Variants in POLE2 observed in about 807,000 individuals in gnomAD.
POLE2 encodes DNA polymerase epsilon 2, accessory subunit, also known as DNA polymerase epsilon subunit 2.
POLE2 carries 56 observed loss-of-function variants against 79.4 expected under a neutral mutation model. That is an observed-to-expected ratio of 0.71 (90% CI 0.57 to 0.88). POLE2 has a LOEUF of 0.88. Among genes scored for constraint, POLE2 ranks in the 40% least tolerant of loss-of-function variants. The pLI is 0.00. For synonymous variants in POLE2, 212 were observed against 214.0 expected (o/e 0.99, Z 0.08); for missense variants, 598 against 638.9 (o/e 0.94, Z 0.69).
At chr14:49,655,962 T>C in intron 10 of POLE2, 119 bp from the exon 11 acceptor site, 1 of 589,624 alleles carries the variant, frequency 1.7e-6, no homozygotes, top group Non-Finnish European at 3.0e-6. Flanking sequence ...AAGGTACTCT[T>C]TGTAACACTT....
chr14:49,683,637 T>C lies in POLE2; in HGVS notation c.125A>G (p.Glu42Gly). 1 of 1,595,924 alleles carries C rather than the reference T, an allele frequency of 6.3e-7. No individual in the cohort carries two copies. Among genetic ancestry groups the C allele is most frequent in the Non-Finnish European group, 8.6e-7 (1 of 1,165,930 alleles). ...ATTAATTATCTTTTCCAGTTTATCT[T>C]CAAGCTCTAATTCACTGATAGACTG... ...ALQSISELEL[E>G]DKLEKIINAV... The change falls in exon 2 of 19, where the codon GAA (glutamate) becomes GGA (glycine). Residue 42 changes from glutamate to glycine, a missense_variant. Glu to Gly is a moderately conservative substitution (Grantham distance 98, BLOSUM62 -2). Coordinates refer to ENST00000216367, the MANE Select transcript of POLE2 (RefSeq NM_002692.4).
intron 9 of POLE2, 83 bp from the exon 10 acceptor site, chr14:49,663,470 C>G: frequency 1.2e-6 from 1 of 862,650 alleles, no homozygotes; most frequent in Non-Finnish European, 1.8e-6. Context: ...AGCAATAATG[C>G]CAGGCTAGTC....
At chr14:49,647,109 G>A (rs1328052477) in intron 18 of POLE2, 184 bp downstream of exon 18, 9 of 428,630 alleles carry the variant, frequency 2.1e-5, no homozygotes, top group African/African-American at 1.2e-4. Context: ...CAACACAAAC[G>A]TACCATCATG....
chr14:49,685,273 T>C (rs960707366), intron 1 of POLE2, among the ~76,000 whole-genome samples: 1 of 152,242 alleles, frequency 6.6e-6, no homozygotes, highest in Non-Finnish European at 1.5e-5. Context: ...AGGTGTTGCA[T>C]CTCTCAAATT....
At chr14:49,655,217 A>AT (rs1884566788) in intron 11 of POLE2, 123 bp from the exon 12 acceptor site, 1 of 332,752 alleles carries the variant, frequency 3.0e-6, no homozygotes, top group Non-Finnish European at 5.3e-6. Flanking sequence ...TTAATAACTT[A>AT]TTAAAATAAT....
chr14:49,655,640 T>C, intron 11 of POLE2, 31 bp downstream of exon 11: 8 of 1,518,386 alleles, frequency 5.3e-6, no homozygotes, highest in Non-Finnish European at 7.2e-6. Flanking sequence ...CTTAAAAGAG[T>C]TCAAGAAAGA....
intron 3 of POLE2, among the ~76,000 whole-genome samples, chr14:49,675,030 C>G (rs1365755267): frequency 6.6e-6 from 1 of 151,770 alleles, no homozygotes; most frequent in Non-Finnish European, 1.5e-5. Context: ...ATTATATAAA[C>G]AATAGTCACA....
chr14:49,679,862 A>G, intron 2 of POLE2, 62 bp from the exon 3 acceptor site: 1 of 899,308 alleles, frequency 1.1e-6, no homozygotes, highest in South Asian at 1.5e-5. Context: ...CTTTCCACAG[A>G]CAGCTCTTTT....
At chr14:49,654,933 T>C in intron 12 of POLE2, 72 bp downstream of exon 12, 1 of 1,365,162 alleles carries the variant, frequency 7.3e-7, no homozygotes, top group Non-Finnish European at 9.7e-7. Flanking sequence ...AATTAAAATA[T>C]TATGGATAAT....
intron 11 of POLE2, 146 bp from the exon 12 acceptor site, chr14:49,655,240 A>G: frequency 3.2e-6 from 1 of 315,998 alleles, no homozygotes; most frequent in Non-Finnish European, 5.7e-6. Flanking sequence ...TAATAACAGT[A>G]GCCATTCATT....
At chr14:49,647,465 A>T (rs189620582) in intron 17 of POLE2, 105 bp from the exon 18 acceptor site, 5,921 of 345,382 alleles carry the variant, frequency 0.017, 142 homozygotes, top group African/African-American at 0.078. Context: ...TTATTTATTT[A>T]TTTTTTTTTT....
At chr14:49,678,514 G>A (rs980463919) in intron 3 of POLE2, among the ~76,000 whole-genome samples, 2 of 152,232 alleles carry the variant, frequency 1.3e-5, no homozygotes, top group Admixed American at 1.3e-4. Context: ...TGGTGTGGGG[G>A]AAAATAAGTA....
chr14:49,688,039 G>C (rs1009588724), intron 1 of POLE2, 97 bp downstream of exon 1: 9 of 1,026,594 alleles, frequency 8.8e-6, no homozygotes, highest in South Asian at 1.4e-5. Flanking sequence ...CCCCCTCTCG[G>C]CGCGCGGGGA....
At chr14:49,655,164 T>C in intron 11 of POLE2, 70 bp from the exon 12 acceptor site, 1 of 549,006 alleles carries the variant, frequency 1.8e-6, no homozygotes, top group East Asian at 3.7e-5. Flanking sequence ...CCTTTAACCA[T>C]GACTTTCTAA....
intron 10 of POLE2, among the ~76,000 whole-genome samples, chr14:49,660,193 G>C (rs1485388758): frequency 1.3e-5 from 2 of 152,122 alleles, no homozygotes; most frequent in Admixed American, 6.5e-5. Flanking sequence ...ATACAGCAAC[G>C]TGTCACACAG....
At chr14:49,655,943 C>T (rs550065551) in intron 10 of POLE2, 100 bp from the exon 11 acceptor site, 1 of 648,076 alleles carries the variant, frequency 1.5e-6, no homozygotes, top group South Asian at 2.2e-5. Context: ...AGTTATTTTC[C>T]AGTGTAAAAA....
chr14:49,655,552 A>T, intron 11 of POLE2, 119 bp downstream of exon 11: 1 of 723,790 alleles, frequency 1.4e-6, no homozygotes, highest in Non-Finnish European at 2.3e-6. Context: ...AAATTATCTC[A>T]TTGCTAACTC....
At chr14:49,648,678 A>C (rs1883961635) in intron 17 of POLE2, among the ~76,000 whole-genome samples, 1 of 152,230 alleles carries the variant, frequency 6.6e-6, no homozygotes, top group Non-Finnish European at 1.5e-5. Context: ...TTTAGTGGAC[A>C]GAGGCCAGGG....
chr14:49,668,644 A>C (rs1242166415), intron 6 of POLE2, among the ~76,000 whole-genome samples: 1 of 152,196 alleles, frequency 6.6e-6, no homozygotes, highest in Non-Finnish European at 1.5e-5. Flanking sequence ...GTTAAGCCTT[A>C]AAATTACTTT....
Sources: gnomAD v4.1 joint callset for allele counts (sites outside exome capture counted in the v4.1 genomes callset) on GRCh38, gnomAD v4.1.1 for gene constraint, MANE v1.5 for transcripts, NCBI Gene and HGNC (gene_info 2026-07-23, HGNC 2026-07-21) for gene names.